KCNK2: variants seen among roughly 807,000 people sequenced by gnomAD.
KCNK2 encodes potassium channel subfamily K member 2.
In KCNK2, 21 loss-of-function variants were observed where a neutral mutation model predicts 40.5. The observed-to-expected ratio is 0.52, with a 90% CI of 0.37 to 0.75. KCNK2 has a LOEUF of 0.75. Among genes scored for constraint, KCNK2 ranks in the 30% least tolerant of loss-of-function variants. The pLI, the probability that KCNK2 is intolerant of heterozygous loss-of-function variation, is 0.00. For missense variants in KCNK2, 399 were observed against 531.6 expected (o/e 0.75, Z 2.45); for synonymous variants, 191 against 202.2 (o/e 0.94, Z 0.47).
intron 3 of KCNK2, among the ~76,000 whole-genome samples, chr1:215,157,962 C>T (rs181916273): frequency 6.6e-6 from 1 of 152,188 alleles, no homozygotes; most frequent in Admixed American, 6.5e-5. Flanking sequence ...ATTGGGTCAC[C>T]AGGAGAATGG....
chr1:215,020,710 C>T (rs762272275), intron 1 of KCNK2, among the ~76,000 whole-genome samples: 6 of 152,196 alleles, frequency 3.9e-5, no homozygotes, highest in Non-Finnish European at 7.3e-5. Context: ...AGGAGTGAGA[C>T]ACCGTGCTGG....
chr1:215,199,275 C>G (rs914762633), intron 6 of KCNK2, among the ~76,000 whole-genome samples: 5 of 152,030 alleles, frequency 3.3e-5, no homozygotes, highest in African/African-American at 1.2e-4. Context: ...TGCCACTGCA[C>G]TCCAGCCTGG....
intron 3 of KCNK2, among the ~76,000 whole-genome samples, 160 bp from the exon 4 acceptor site, chr1:215,169,039 T>C (rs1663576860): frequency 6.6e-6 from 1 of 152,168 alleles, no homozygotes; most frequent in African/African-American, 2.4e-5. Context: ...GAATATCTTA[T>C]ATTAGAACAT....
chr1:215,136,385 AC>A (rs1661916406), intron 3 of KCNK2, among the ~76,000 whole-genome samples: 1 of 152,174 alleles, frequency 6.6e-6, no homozygotes, highest in African/African-American at 2.4e-5. Flanking sequence ...GGTGTGAGCC[AC>A]CATGCCTGGC....
At chr1:215,066,893 A>G (rs61818293) in intron 1 of KCNK2, among the ~76,000 whole-genome samples, 1,763 of 152,358 alleles carry the variant, frequency 0.012, 39 homozygotes, top group South Asian at 0.097. Context: ...TACATTTTCA[A>G]TAAAAAAATA....
chr1:215,157,328 G>A (rs773917998), intron 3 of KCNK2, among the ~76,000 whole-genome samples: 119 of 152,244 alleles, frequency 7.8e-4, no homozygotes, highest in Middle Eastern at 3.4e-3. Context: ...TGACACAAAT[G>A]CATGATTAGA....
chr1:215,200,785 A>G (rs1242905403), intron 6 of KCNK2, among the ~76,000 whole-genome samples: 1 of 152,206 alleles, frequency 6.6e-6, no homozygotes, highest in Non-Finnish European at 1.5e-5. Context: ...ATTGTGCACA[A>G]TAAAGAGAAA....
At chr1:215,101,313 C>A (rs1660204636) in intron 2 of KCNK2, among the ~76,000 whole-genome samples, 4 of 151,848 alleles carry the variant, frequency 2.6e-5, no homozygotes, top group Admixed American at 2.6e-4. Flanking sequence ...GGGAGGTGGG[C>A]TTCTTTAGAT....
intron 3 of KCNK2, among the ~76,000 whole-genome samples, chr1:215,157,756 C>G (rs960335626): frequency 2.6e-4 from 40 of 152,198 alleles, no homozygotes; most frequent in Admixed American, 2.6e-3. Context: ...AAAGCTCAGT[C>G]TACTCTACCG....
chr1:215,083,539 A>C, intron 1 of KCNK2, 108 bp downstream of exon 1: 1 of 839,864 alleles, frequency 1.2e-6, no homozygotes, highest in Non-Finnish European at 2.0e-6. Flanking sequence ...GCCGTTTCCC[A>C]TCTTCGCTTC....
chr1:215,049,704 ATTT>A (rs1478218244), intron 1 of KCNK2, among the ~76,000 whole-genome samples: 1 of 152,094 alleles, frequency 6.6e-6, no homozygotes, highest in Non-Finnish European at 1.5e-5. Context: ...TTATTTATTT[ATTT>A]ATTTTTTTAG....
chr1:215,089,896 G>A (rs956412155), intron 2 of KCNK2, among the ~76,000 whole-genome samples: 7 of 150,082 alleles, frequency 4.7e-5, no homozygotes, highest in South Asian at 2.1e-4. Flanking sequence ...GCGTGATCTC[G>A]GCTCACTGCA....
intron 1 of KCNK2, among the ~76,000 whole-genome samples, chr1:215,012,653 T>G (rs1231612420): frequency 4.7e-4 from 71 of 150,932 alleles, no homozygotes; most frequent in Non-Finnish European, 6.8e-4. Context: ...TTAGTTTTTT[T>G]TTTTTTTTTT....
At chr1:215,218,349 T>C (rs1459242862) in intron 6 of KCNK2, among the ~76,000 whole-genome samples, 3 of 152,152 alleles carry the variant, frequency 2.0e-5, no homozygotes, top group African/African-American at 7.2e-5. Flanking sequence ...AAGGGGAATA[T>C]TTTATAAATC....
At chr1:215,130,094 C>T (rs960373522) in intron 3 of KCNK2, among the ~76,000 whole-genome samples, 1 of 152,116 alleles carries the variant, frequency 6.6e-6, no homozygotes, top group South Asian at 2.1e-4. Flanking sequence ...GCCAGAGAAA[C>T]CAACCATGTG....
At chr1:215,060,516 T>C (rs1658329729) in intron 1 of KCNK2, among the ~76,000 whole-genome samples, 1 of 152,184 alleles carries the variant, frequency 6.6e-6, no homozygotes, top group Non-Finnish European at 1.5e-5. Flanking sequence ...CGTTATTGGC[T>C]CAAAAATATA....
chr1:215,016,972 G>A (rs61255106), intron 1 of KCNK2, among the ~76,000 whole-genome samples: 16,227 of 152,020 alleles, frequency 0.11, 925 homozygotes, highest in Middle Eastern at 0.29. Flanking sequence ...AAGACATACA[G>A]ACAGGTGTAT....
At chr1:215,209,344 T>TATATATTATATATAATATATGC (rs2102683015) in intron 6 of KCNK2, among the ~76,000 whole-genome samples, 3 of 89,968 alleles carry the variant, frequency 3.3e-5, no homozygotes, top group East Asian at 6.1e-4. Flanking sequence ...ATATATAATA[T>TATATATTATATATAATATATGC]ATATATTATA....
chr1:215,184,551 G>A (rs1034219546), intron 5 of KCNK2, among the ~76,000 whole-genome samples: 2 of 152,122 alleles, frequency 1.3e-5, no homozygotes, highest in African/African-American at 4.8e-5. Flanking sequence ...CAACATGGTT[G>A]GGGAGGCCTC....
Sources: gnomAD v4.1 joint callset for allele counts (sites outside exome capture counted in the v4.1 genomes callset) on GRCh38, gnomAD v4.1.1 for gene constraint, MANE v1.5 for transcripts, NCBI Gene and HGNC (gene_info 2026-07-23, HGNC 2026-07-21) for gene names.